The following FMNL1 variants were observed in gnomAD, a reference collection of about 807,000 sequenced individuals.
FMNL1 encodes formin like 1.
FMNL1 carries 43 observed loss-of-function variants against 121.3 expected under a neutral mutation model. The ratio of observed to expected loss-of-function variants is 0.35; its 90% CI spans 0.28 to 0.46. The LOEUF is 0.46. Ranked by LOEUF, FMNL1 falls within the 20% of genes least tolerant of loss-of-function variation. FMNL1 has a pLI of 1.00. For missense variants in FMNL1, 1,191 were observed against 1,482.4 expected (o/e 0.80, Z 3.23); for synonymous variants, 613 against 613.5 (o/e 1.00, Z 0.01).
At position 45,222,284 on chromosome 17, in the gene FMNL1, G is replaced by GGGCGGGGGGC. The variant is rs1439356995; in HGVS notation, c.129+35_129+44dup. 5.2e-6 allele frequency: 6 copies of GGGCGGGGGGC among 1,162,754 alleles called. No individual in the cohort carries two copies. The African/African-American group carries it at 8.1e-5, about 16-fold the overall frequency. The allele number at this position is 1,162,754 out of a possible 1,614,324, so 72.0% of individuals were successfully genotyped here. On this transcript the variant is annotated intron_variant, in intron 1 of 26. Coordinates refer to ENST00000331495, the MANE Select transcript of FMNL1 (RefSeq NM_005892.4). ...TGCGACCCGGAGGCGGGTCGGGCGC[G>GGGCGGGGGGC]GGCGGGGGGCGGCAGGGGCGCGGCA... is the stretch of plus-strand genomic sequence containing the variant.
chr17:45,236,099 A>C (rs1191340657), intron 6 of FMNL1, 37 bp from the exon 7 acceptor site: 2 of 1,560,432 alleles, frequency 1.3e-6, no homozygotes, highest in Middle Eastern at 1.8e-4. Context: ...GCTGGGGCTC[A>C]CTCTGACTCC....
At chr17:45,226,487 G>A (rs1598179023) in intron 1 of FMNL1, among the ~76,000 whole-genome samples, 1 of 152,160 alleles carries the variant, frequency 6.6e-6, no homozygotes, top group Non-Finnish European at 1.5e-5. Flanking sequence ...CCCATTCCCC[G>A]GCTGCTCCTT....
chr17:45,224,551 C>T (rs1265237601), intron 1 of FMNL1, among the ~76,000 whole-genome samples: 1 of 152,212 alleles, frequency 6.6e-6, no homozygotes, highest in Non-Finnish European at 1.5e-5. Context: ...CAGGGAACCT[C>T]TTCCTTCCCC....
At position 45,233,266 on chromosome 17, in the gene FMNL1, C is replaced by T. The variant is rs868241353; in HGVS notation, c.370C>T (p.Leu124=). Residue 124 remains leucine, a synonymous_variant, in exon 4 of 27, where the codon CTG becomes TTG. Coordinates refer to ENST00000331495, the MANE Select transcript of FMNL1 (RefSeq NM_005892.4). This position sits in a 1 kb window ranked among gnomAD's most constrained non-coding sequence, Gnocchi z 4.1. ...GGAGTCCACGCAGGTGCTACGGGAG[C>T]TGGAGACCTCCCTGAGGACCAACCA... ...VQESTQVLRE[L]ETSLRTNHIG... 5 of 1,561,912 alleles carry T rather than the reference C, an allele frequency of 3.2e-6. No individual in the cohort carries two copies. Among genetic ancestry groups the T allele is most frequent in the Non-Finnish European group, 4.3e-6 (5 of 1,153,342 alleles).
chr17:45,244,868 C>T lies in FMNL1; in HGVS notation c.2567C>T (p.Ala856Val), dbSNP rs774880082. The change falls in exon 20 of 27, where the codon GCC (alanine) becomes GTC (valine). Residue 856 changes from alanine to valine, a missense_variant. Ala to Val is a moderately conservative substitution (Grantham distance 64, BLOSUM62 0). Coordinates refer to ENST00000331495, the MANE Select transcript of FMNL1 (RefSeq NM_005892.4). Reference sequence around the variant, plus strand: ...ATGAACAGTAGCAAGCGTGGGGCAGCCTATGGCTTCCGGCTCCAGAGCCTG... The same window carrying T: ...ATGAACAGTAGCAAGCGTGGGGCAGTCTATGGCTTCCGGCTCCAGAGCCTG... The part of the protein sequence containing the change: ...NYMNSSKRGA[A>V]YGFRLQSLDA... 10 of 1,613,904 alleles carry T rather than the reference C, an allele frequency of 6.2e-6. No homozygotes were observed. The highest frequency in any genetic ancestry group is 8.5e-6 in the Non-Finnish European group (10 of 1,179,916).
chr17:45,231,609 G>A lies in FMNL1; in HGVS notation c.214-758G>A, dbSNP rs779707498. Among the ~76,000 whole-genome samples the A allele has an allele frequency of 2.0e-5, 3 of 152,142 alleles. No homozygotes were observed. The highest frequency in any genetic ancestry group is 2.9e-5 in the Non-Finnish European group (2 of 68,002). The stretch of plus-strand genomic sequence containing the variant: ...GAATCTGAGGGGTTTGGGTTGGAAG[G>A]GTGGGGGCCCCTCTGGGGAGGGGTC... On this transcript the variant is annotated intron_variant, in intron 2 of 26. Transcript: ENST00000331495. The surrounding 1 kb of genome is among the most constrained non-coding windows in gnomAD (Gnocchi z 4.7).
rs1390541195 is a variant in FMNL1, at chr17:45,241,605, C to A, written c.1556C>A (p.Pro519Gln). The A allele has an allele frequency of 2.0e-6, 3 of 1,532,538 alleles. No individual in the cohort carries two copies. The Admixed American group carries it at 5.9e-5, about 30-fold the overall frequency. The allele number at this position is 1,532,538 out of a possible 1,614,324, so 94.9% of individuals were successfully genotyped here. Residue 519 changes from proline to glutamine, a missense_variant, in exon 14 of 27, where the codon CCG becomes CAG. By Grantham distance (76) the Pro-to-Gln change is moderately conservative. Around this residue, in one of 4 missense-constraint regions of FMNL1, gnomAD observed 519 missense variants for 492.8 expected, o/e 1.05. Coordinates refer to ENST00000331495, the MANE Select transcript of FMNL1 (RefSeq NM_005892.4). The surrounding 1 kb of genome is among the most constrained non-coding windows in gnomAD (Gnocchi z 7.0). ...CCGAGCGGCGGTGATGCTCCGACTC[C>A]GGGGGTGCCGACCGGCTCCCCCAGC... ...ATPSGGDAPT[P>Q]GVPTGSPSPD...
Position 45,233,837 on chromosome 17 carries a change from C to T in FMNL1, c.485+106C>T, listed in dbSNP as rs966371402. 6.1e-6 allele frequency: 9 copies of T among 1,467,506 alleles called. No individual in the cohort carries two copies. The highest frequency in any genetic ancestry group is 8.3e-6 in the Non-Finnish European group (9 of 1,081,448). 90.9% of individuals were successfully genotyped at this position (1,467,506 alleles called of 1,614,324 possible). On this transcript the variant is annotated intron_variant, in intron 5 of 26. Transcript: ENST00000331495. This position sits in a 1 kb window ranked among gnomAD's most constrained non-coding sequence, Gnocchi z 4.1. ...CCAGTTTCAAGCCAGGCAGCCCGAG[C>T]CTACCCTGGAACCCTCCACTTGGCC...
Position 45,241,559 on chromosome 17 carries a change from C to G in FMNL1, c.1510C>G (p.Leu504Val). 6.4e-7 allele frequency: 1 copy of G among 1,567,916 alleles called. No individual in the cohort carries two copies. Among genetic ancestry groups the G allele is most frequent in the Non-Finnish European group, 8.6e-7 (1 of 1,156,860 alleles). Reference protein sequence around the residue: ...GPGDAVSIEILPVAVATPSGG... With the variant: ...GPGDAVSIEIVPVAVATPSGG... ...GGGGGATGCTGTCTCCATCGAGATC[C>G]TCCCCGTCGCTGTGGCAACTCCGAG... Residue 504 changes from leucine to valine, a missense_variant, in exon 14 of 27, where the codon CTC (leucine) becomes GTC (valine). Transcript: ENST00000331495. This position sits in a 1 kb window ranked among gnomAD's most constrained non-coding sequence, Gnocchi z 7.0.
Position 45,230,655 on chromosome 17 carries a change from A to G in FMNL1, c.181A>G (p.Asn61Asp), listed in dbSNP as rs770080353. 7 of 1,613,906 alleles carry G rather than the reference A, an allele frequency of 4.3e-6. No homozygotes were observed. Among genetic ancestry groups the G allele is most frequent in the East Asian group, 2.2e-5 (1 of 44,874 alleles). Residue 61 changes from asparagine (N) to aspartate (D), a missense_variant, in exon 2 of 27, where the codon AAC becomes GAC. Coordinates refer to ENST00000331495, the MANE Select transcript of FMNL1 (RefSeq NM_005892.4). ...GGTCCAGCTGCTGAGCCAGTATGAC[A>G]ACGAGAAGAAGTGGGAGCTCATCTG... ...DKVQLLSQYDNEKKWELICDQ... is the reference protein window; with the variant it reads ...DKVQLLSQYDDEKKWELICDQ...
chr17:45,234,044 C>T (rs747933926), intron 5 of FMNL1, 28 bp from the exon 6 acceptor site: 5 of 1,612,016 alleles, frequency 3.1e-6, no homozygotes, highest in Non-Finnish European at 4.2e-6. Context: ...CAGTGTTGGC[C>T]TCCAGCCCCA....
At chr17:45,227,351 G>T (rs1292016910) in intron 1 of FMNL1, among the ~76,000 whole-genome samples, 4 of 152,098 alleles carry the variant, frequency 2.6e-5, no homozygotes, top group African/African-American at 9.7e-5. Flanking sequence ...GGAGGTGGGG[G>T]AAGGGCTCTT....
chr17:45,243,206 C>T lies in FMNL1; in HGVS notation c.2099C>T (p.Ala700Val). The T allele has an allele frequency of 6.2e-7, 1 of 1,614,220 alleles. No individual in the cohort carries two copies. The highest frequency in any genetic ancestry group is 8.5e-7 in the Non-Finnish European group (1 of 1,180,040). The change falls in exon 17 of 27, where the codon GCC becomes GTC. Residue 700 changes from alanine (A) to valine (V), a missense_variant. This residue lies in a region of FMNL1 where 519 missense variants were observed against 492.8 expected (regional missense o/e 1.05). Transcript: ENST00000331495. ...LDLSALKSKAAQKAPSKATLI... is the reference protein window; with the variant it reads ...LDLSALKSKAVQKAPSKATLI... ...CTCAGCGCTCTCAAGAGTAAGGCAG[C>T]CCAGAAGGCCCCCAGCAAGGCGACA... is the stretch of plus-strand genomic sequence containing the variant.
At chr17:45,225,645 G>A (rs2036558584) in intron 1 of FMNL1, among the ~76,000 whole-genome samples, 1 of 152,162 alleles carries the variant, frequency 6.6e-6, no homozygotes. Flanking sequence ...GGCTACCTCT[G>A]CCTTTTTCCT....
chr17:45,239,172 TGGC>T, intron 11 of FMNL1, 107 bp downstream of exon 11: 1 of 890,026 alleles, frequency 1.1e-6, no homozygotes, highest in Non-Finnish European at 1.9e-6. Flanking sequence ...GTTTAAATCC[TGGC>T]TCTGCCGTTG....
Position 45,245,902 on chromosome 17 carries a change from T to C in FMNL1, c.3019T>C (p.Trp1007Arg). Residue 1007 changes from tryptophan (W) to arginine (R), a missense_variant, in exon 24 of 27, where the codon TGG (tryptophan) becomes CGG (arginine). Physicochemically the swap from Trp to Arg is moderately radical, Grantham distance 101. Transcript: ENST00000331495. The stretch of plus-strand genomic sequence containing the variant: ...GAAAGCTGAGCAGGAGGTGGAACAG[T>C]GGAAAAAAGAAGCCGCTGCCCAGGA... Reference protein sequence around the residue: ...YKKAEQEVEQWKKEAAAQEAG... With the variant: ...YKKAEQEVEQRKKEAAAQEAG... 9 of 1,592,184 alleles carry C rather than the reference T, an allele frequency of 5.7e-6. No individual in the cohort carries two copies. Among genetic ancestry groups the C allele is most frequent in the Non-Finnish European group, 5.1e-6 (6 of 1,172,410 alleles).
intron 7 of FMNL1, 170 bp downstream of exon 7, chr17:45,236,414 G>A: frequency 1.8e-6 from 1 of 563,634 alleles, no homozygotes; most frequent in East Asian, 3.1e-5. Context: ...GAGTCTTGAG[G>A]GGAAGCCCAT....
Position 45,244,755 on chromosome 17 carries a change from CA to C in FMNL1, c.2518-62del, listed in dbSNP as rs2043790091. 127 of 1,523,900 alleles carry C rather than the reference CA, an allele frequency of 8.3e-5. 1 individual carries two copies. The South Asian group carries it at 1.5e-3, about 18-fold the overall frequency. 94.4% of individuals were successfully genotyped at this position (1,523,900 alleles called of 1,614,324 possible). A position where few individuals can be genotyped will look rare whatever the true frequency, so the allele number is the denominator to read the frequency against. ...CTTGCCACCTCTTCTCCTCCTTGTG[CA>C]ATATGCTTAAGCGGTGTCCTCAGCT... is the stretch of plus-strand genomic sequence containing the variant. On this transcript the variant is annotated intron_variant, in intron 19 of 26. Coordinates refer to ENST00000331495, the MANE Select transcript of FMNL1 (RefSeq NM_005892.4).
chr17:45,232,050 C>A (rs915231404), intron 2 of FMNL1, among the ~76,000 whole-genome samples: 2 of 152,092 alleles, frequency 1.3e-5, no homozygotes, highest in African/African-American at 4.8e-5. Context: ...GGTGCACACC[C>A]GTAGTCCCAG....
Sources: gnomAD v4.1 joint callset for allele counts (sites outside exome capture counted in the v4.1 genomes callset) on GRCh38, gnomAD v4.1.1 for gene constraint, gnomAD v4.1.1 regional missense constraint, Gnocchi (gnomAD v3.1) non-coding constraint, MANE v1.5 for transcripts, NCBI Gene and HGNC (gene_info 2026-07-23, HGNC 2026-07-21) for gene names.